KLF12: variants seen among roughly 807,000 people sequenced by gnomAD.
KLF12 encodes KLF transcription factor 12.
KLF12 carries 9 observed loss-of-function variants against 37.8 expected under a neutral mutation model. The ratio of observed to expected loss-of-function variants is 0.24; its 90% CI spans 0.14 to 0.42. The LOEUF (loss-of-function observed/expected upper bound fraction) is 0.42. Ranked by LOEUF, KLF12 falls within the 10% of genes least tolerant of loss-of-function variation. The probability of loss-of-function intolerance (pLI) is 1.00; values close to 1 mark genes in which losing one functional copy is unlikely to be tolerated. For synonymous variants in KLF12, 208 were observed against 202.1 expected (o/e 1.03, Z -0.25); for missense variants, 411 against 516.0 (o/e 0.80, Z 1.97).
chr13:73,708,161 C>T (rs1030514477), intron 7 of KLF12, among the ~76,000 whole-genome samples: 4 of 152,020 alleles, frequency 2.6e-5, no homozygotes, highest in Non-Finnish European at 4.4e-5. Flanking sequence ...AATAAACTTC[C>T]TTAATGTACA....
chr13:74,212,506 C>T, the KLF12 span, among the ~76,000 whole-genome samples: 39,576 of 151,994 alleles, frequency 0.26, 7,665 homozygotes, highest in African/African-American at 0.55. Flanking sequence ...GAGTTCTTTG[C>T]TACCAAAACT....
intron 3 of KLF12, among the ~76,000 whole-genome samples, chr13:73,869,710 G>A (rs1886375862): frequency 6.6e-6 from 1 of 151,962 alleles, no homozygotes; most frequent in Non-Finnish European, 1.5e-5. Flanking sequence ...CTCTTTAATA[G>A]TTGTTAAATG....
intron 2 of KLF12, chr13:73,960,368 A>G (rs974707421): frequency 5.8e-5 from 17 of 295,204 alleles, no homozygotes; most frequent in Non-Finnish European, 1.2e-4. Flanking sequence ...GAGATTTTTC[A>G]CTTGCTTTGA....
At chr13:74,192,247 TA>T in the KLF12 span, among the ~76,000 whole-genome samples, 1 of 152,158 alleles carries the variant, frequency 6.6e-6, no homozygotes, top group Non-Finnish European at 1.5e-5. Context: ...TAGTTTATGT[TA>T]AAAAATACTA....
the KLF12 span, among the ~76,000 whole-genome samples, chr13:74,140,775 A>C: frequency 2.6e-5 from 4 of 152,124 alleles, no homozygotes; most frequent in African/African-American, 7.2e-5. Flanking sequence ...AGGTTGGAGC[A>C]GGGTGCGGTG....
chr13:73,815,152 T>C (rs1883146184), intron 4 of KLF12, among the ~76,000 whole-genome samples: 1 of 152,204 alleles, frequency 6.6e-6, no homozygotes, highest in African/African-American at 2.4e-5. Flanking sequence ...CCACCAGCTA[T>C]GAGACAAAAA....
intron 1 of KLF12, among the ~76,000 whole-genome samples, chr13:74,058,800 TATTTG>T (rs765766524): frequency 7.9e-5 from 12 of 152,278 alleles, no homozygotes; most frequent in South Asian, 6.2e-4. Flanking sequence ...ATTTTCTACT[TATTTG>T]ATTTGATTTT....
intron 2 of KLF12, among the ~76,000 whole-genome samples, chr13:73,988,900 A>T (rs1891893948): frequency 6.6e-6 from 1 of 152,238 alleles, no homozygotes; most frequent in South Asian, 2.1e-4. Context: ...TTCTCATTTA[A>T]CCTTCACAAT....
the KLF12 span, among the ~76,000 whole-genome samples, chr13:74,191,436 T>C: frequency 1.3e-5 from 2 of 152,336 alleles, no homozygotes; most frequent in African/African-American, 4.8e-5. Context: ...CTTTCACTTA[T>C]ATTTAACCAA....
the KLF12 span, among the ~76,000 whole-genome samples, chr13:74,147,789 C>A: frequency 6.6e-6 from 1 of 152,172 alleles, no homozygotes. Context: ...ATAGCTCTGC[C>A]TTTCCTCCTC....
chr13:73,736,629 C>T (rs562521449), intron 6 of KLF12, among the ~76,000 whole-genome samples: 27 of 152,278 alleles, frequency 1.8e-4, no homozygotes, highest in Non-Finnish European at 3.1e-4. Flanking sequence ...GCTTATGTAA[C>T]AGGTAATGCG....
At chr13:74,198,412 G>A in the KLF12 span, among the ~76,000 whole-genome samples, 53 of 152,252 alleles carry the variant, frequency 3.5e-4, no homozygotes, top group Non-Finnish European at 1.9e-4. Flanking sequence ...GAAGTGCTCC[G>A]TTCAATGTGG....
chr13:73,946,563 C>T (rs773113841), intron 2 of KLF12, among the ~76,000 whole-genome samples: 38 of 151,962 alleles, frequency 2.5e-4, no homozygotes, highest in Non-Finnish European at 4.7e-4. Context: ...TCAAGATGTA[C>T]GGTTTAGTTT....
intron 6 of KLF12, among the ~76,000 whole-genome samples, chr13:73,729,673 T>C (rs181329134): frequency 1.3e-5 from 2 of 152,360 alleles, no homozygotes; most frequent in Admixed American, 6.5e-5. Context: ...TATGCACTGT[T>C]GGTTTTTTAA....
chr13:74,083,269 T>A (rs933371059), intron 1 of KLF12, among the ~76,000 whole-genome samples: 5 of 152,120 alleles, frequency 3.3e-5, no homozygotes, highest in Non-Finnish European at 7.4e-5. Context: ...TCCCAACACT[T>A]TAGGACACCA....
intron 1 of KLF12, among the ~76,000 whole-genome samples, chr13:74,087,962 T>TG (rs1875413512): frequency 6.6e-6 from 1 of 152,138 alleles, no homozygotes; most frequent in South Asian, 2.1e-4. Context: ...AGAACACTGA[T>TG]GAGGGGCATG....
At position 73,945,837 on chromosome 13, in the gene KLF12, T is replaced by C. The variant is rs201335068; in HGVS notation, c.34-1767A>G. Among the ~76,000 whole-genome samples the C allele has an allele frequency of 9.8e-5, 15 of 152,348 alleles. No individual in the cohort carries two copies. In the East Asian group the frequency reaches 2.7e-3, roughly 27 times the overall value. ...TTTTGACTTGTCCCTTTTTTCAGAA[T>C]TTTATATCTTAATAGATAATTTAGA... On this transcript the variant is annotated intron_variant, in intron 2 of 7. Coordinates refer to ENST00000377669, the MANE Select transcript of KLF12 (RefSeq NM_007249.5).
At chr13:74,117,864 A>G (rs1877399460) in intron 1 of KLF12, among the ~76,000 whole-genome samples, 1 of 152,198 alleles carries the variant, frequency 6.6e-6, no homozygotes, top group Non-Finnish European at 1.5e-5. Flanking sequence ...ATGAAATAAA[A>G]AGAGAGACTA....
chr13:74,275,854 C>CTTTCTT, the KLF12 span, among the ~76,000 whole-genome samples: 1 of 114,906 alleles, frequency 8.7e-6, no homozygotes, highest in African/African-American at 3.6e-5. Context: ...TTCTTTCTTT[C>CTTTCTT]TTTCTTTCTT....
Sources: allele counts gnomAD v4.1 joint callset (sites outside exome capture counted in the v4.1 genomes callset), GRCh38; gene constraint gnomAD v4.1.1; transcripts MANE v1.5; gene names NCBI Gene and HGNC (gene_info 2026-07-23, HGNC 2026-07-21).